DPP10: variants seen among roughly 807,000 people sequenced by gnomAD.
The protein encoded by DPP10 is inactive dipeptidyl peptidase 10.
A neutral mutation model predicts 120.9 loss-of-function variants in DPP10; 33 were observed. The observed-to-expected ratio is 0.27, with a 90% CI of 0.21 to 0.37. The LOEUF (loss-of-function observed/expected upper bound fraction) is 0.37, where lower values mean the gene tolerates loss of function less well. Ranked by LOEUF, DPP10 falls within the 10% of genes least tolerant of loss-of-function variation. The pLI is 1.00. For missense variants in DPP10, 816 were observed against 942.8 expected, an observed-to-expected ratio of 0.87 and a Z score of 1.76; for synonymous variants, 337 against 326.1, an observed-to-expected ratio of 1.03 and a Z score of -0.36.
At chr2:115,205,310 G>T (rs2056046849) in intron 1 of DPP10, among the ~76,000 whole-genome samples, 2 of 152,062 alleles carry the variant, frequency 1.3e-5, no homozygotes, top group East Asian at 1.9e-4. Context: ...TTCTGCATAT[G>T]GTTAGCCAGT....
intron 1 of DPP10, among the ~76,000 whole-genome samples, chr2:115,127,060 A>G (rs2050118197): frequency 6.6e-6 from 1 of 152,218 alleles, no homozygotes. Context: ...GGAAAAGTCT[A>G]GTAAGTGAAA....
intron 1 of DPP10, among the ~76,000 whole-genome samples, chr2:114,658,809 A>T (rs952782240): frequency 6.6e-6 from 1 of 152,184 alleles, no homozygotes. Flanking sequence ...ATGTGAGCAT[A>T]CACTGATTGA....
chr2:115,131,577 T>C (rs182543338), intron 1 of DPP10, among the ~76,000 whole-genome samples: 322 of 152,124 alleles, frequency 2.1e-3, no homozygotes, highest in African/African-American at 7.4e-3. Flanking sequence ...AAAGAAAATA[T>C]AGCAGTCCAT....
intron 1 of DPP10, among the ~76,000 whole-genome samples, chr2:114,677,759 G>T (rs1472057625): frequency 6.6e-6 from 1 of 152,110 alleles, no homozygotes; most frequent in African/African-American, 2.4e-5. Flanking sequence ...AGATGAATTT[G>T]TAATATATTG....
At chr2:115,321,161 T>C (rs559026160) in intron 2 of DPP10, among the ~76,000 whole-genome samples, 1 of 151,976 alleles carries the variant, frequency 6.6e-6, no homozygotes, top group African/African-American at 2.4e-5. Flanking sequence ...ATTAGCTGGG[T>C]CTGGTGGTGG....
intron 3 of DPP10, among the ~76,000 whole-genome samples, chr2:115,360,778 G>A (rs1173151643): frequency 6.6e-6 from 1 of 152,204 alleles, no homozygotes; most frequent in Non-Finnish European, 1.5e-5. Context: ...CTAGGGGCCT[G>A]CTATACCTCT....
chr2:114,835,143 A>G (rs894246676), intron 1 of DPP10: 5 of 150,088 alleles, frequency 3.3e-5, no homozygotes, highest in African/African-American at 1.0e-4. Context: ...ATATCTACAC[A>G]CCTATGTATA....
chr2:115,717,126 T>G (rs930572910), intron 7 of DPP10, among the ~76,000 whole-genome samples: 1 of 152,034 alleles, frequency 6.6e-6, no homozygotes, highest in African/African-American at 2.4e-5. Context: ...GAAGAAAGAG[T>G]AGTAAATTCA....
intron 8 of DPP10, among the ~76,000 whole-genome samples, chr2:115,734,910 AG>A (rs151165719): frequency 0.042 from 6,439 of 152,250 alleles, 204 homozygotes; most frequent in Non-Finnish European, 0.064. Flanking sequence ...ATCATGAACA[AG>A]GTAAATGCCA....
chr2:115,200,932 A>G (rs2055662237), intron 1 of DPP10, among the ~76,000 whole-genome samples: 2 of 152,218 alleles, frequency 1.3e-5, no homozygotes, highest in African/African-American at 4.8e-5. Flanking sequence ...AAGCAGATAT[A>G]CTAGTTATTC....
At chr2:114,497,404 T>TATAC (rs1360928175) in intron 1 of DPP10, among the ~76,000 whole-genome samples, 2 of 122,742 alleles carry the variant, frequency 1.6e-5, no homozygotes, top group African/African-American at 5.5e-5. Context: ...TACATATACA[T>TATAC]ATACACATAC....
intron 1 of DPP10, among the ~76,000 whole-genome samples, chr2:114,496,239 C>T (rs889660032): frequency 6.6e-6 from 1 of 152,024 alleles, no homozygotes; most frequent in Non-Finnish European, 1.5e-5. Flanking sequence ...AAACTGAAGT[C>T]CAGACCTTTG....
chr2:115,444,708 C>A (rs972461772), intron 3 of DPP10, among the ~76,000 whole-genome samples: 6 of 152,136 alleles, frequency 3.9e-5, no homozygotes, highest in African/African-American at 1.2e-4. Context: ...AGAGTAGTTG[C>A]ATTTAAAAAG....
intron 5 of DPP10, among the ~76,000 whole-genome samples, chr2:115,687,353 G>A (rs2091047096): frequency 6.6e-6 from 1 of 152,060 alleles, no homozygotes; most frequent in South Asian, 2.1e-4. Flanking sequence ...AAGTATTTGA[G>A]ATCTGCTGGG....
chr2:115,019,266 A>G (rs945169483), intron 1 of DPP10, among the ~76,000 whole-genome samples: 1 of 152,226 alleles, frequency 6.6e-6, no homozygotes. Flanking sequence ...TTATCAAATA[A>G]ATAAATAAAA....
intron 5 of DPP10, among the ~76,000 whole-genome samples, chr2:115,538,240 T>C (rs989944120): frequency 6.6e-6 from 1 of 151,972 alleles, no homozygotes; most frequent in East Asian, 1.9e-4. Context: ...GAAATCACGA[T>C]AGAGTTCTGA....
chr2:115,262,456 G>A (rs2059293799), intron 1 of DPP10, among the ~76,000 whole-genome samples: 1 of 151,722 alleles, frequency 6.6e-6, no homozygotes, highest in Non-Finnish European at 1.5e-5. Flanking sequence ...AACCTAAAAT[G>A]TCAGTGAATA....
rs906940084 is a variant in DPP10 at position 115,701,571 on chromosome 2, A to G, written c.576+11650A>G. Among the ~76,000 whole-genome samples the G allele has an allele frequency of 1.1e-4, 16 of 152,208 alleles. No individual in the cohort carries two copies. In the East Asian group the frequency reaches 3.1e-3, roughly 29 times the overall value. The stretch of plus-strand genomic sequence containing the variant: ...GCAGTGCTTTCTTGGATATGACACA[A>G]AAGACACATGAAATTAAAAATTGAC... On this transcript the variant is annotated intron_variant, in intron 7 of 25. Coordinates refer to ENST00000410059, the MANE Select transcript of DPP10 (RefSeq NM_020868.6).
chr2:115,265,732 C>T (rs908915191), intron 1 of DPP10, among the ~76,000 whole-genome samples: 2 of 152,024 alleles, frequency 1.3e-5, no homozygotes, highest in Non-Finnish European at 2.9e-5. Context: ...CTACACATAT[C>T]TCCAGTATTA....
Sources: allele counts gnomAD v4.1 joint callset (sites outside exome capture counted in the v4.1 genomes callset), GRCh38; gene constraint gnomAD v4.1.1; transcripts MANE v1.5; gene names NCBI Gene and HGNC (gene_info 2026-07-23, HGNC 2026-07-21).